MLIP: variants seen among roughly 807,000 people sequenced by gnomAD.
The protein encoded by MLIP is muscular LMNA-interacting protein.
A neutral mutation model predicts 84.8 loss-of-function variants in MLIP; 79 were observed. The ratio of observed to expected loss-of-function variants is 0.93; its 90% CI spans 0.78 to 1.12. MLIP has a LOEUF of 1.12. MLIP is among the 50% of genes most tolerant of loss of function. The pLI is 0.00. For missense variants in MLIP, 1,257 were observed against 1,160.6 expected (o/e 1.08, Z -1.21); for synonymous variants, 504 against 463.0 (o/e 1.09, Z -1.14).
rs2150483508 is a variant in MLIP, at chr6:54,137,085, A to G, written c.1016A>G (p.His339Arg). ...KTTLTSHVLS[H>R]GESPRTSSSP... ...ACTTTAACCTCGCATGTCCTTAGTC[A>G]CGGAGAAAGTCCGAGAACCTCTTCT... is the stretch of plus-strand genomic sequence containing the variant. Residue 339 changes from histidine (H) to arginine (R), a missense_variant, in exon 4 of 14, where the codon CAC becomes CGC. Transcript: ENST00000502396. 1.3e-6 allele frequency: 2 copies of G among 1,536,024 alleles called. No homozygotes were observed. The highest frequency in any genetic ancestry group is 2.7e-5 in the African/African-American group (2 of 73,144).
rs1467023919 is a variant in MLIP at position 54,169,517 on chromosome 6, T to A, written c.2500-11T>A. ...TATTTCAGATGTATAATTGTTTTTA[T>A]TTTCATACAGACTCCTACAACTCTT... On this transcript the variant is annotated splice_polypyrimidine_tract_variant and intron_variant, in intron 8 of 13. Coordinates refer to ENST00000502396, the MANE Select transcript of MLIP (RefSeq NM_001281747.2). The A allele has an allele frequency of 1.3e-6, 2 of 1,568,294 alleles. No individual in the cohort carries two copies. Among genetic ancestry groups the A allele is most frequent in the African/African-American group, 1.4e-5 (1 of 72,594 alleles).
intron 12 of MLIP, among the ~76,000 whole-genome samples, chr6:54,239,865 C>T (rs777075002): frequency 5.9e-5 from 9 of 152,036 alleles, no homozygotes; most frequent in Non-Finnish European, 1.0e-4. Flanking sequence ...CTATAATAAA[C>T]CCTTCCAGTC....
intron 13 of MLIP, 110 bp downstream of exon 13, chr6:54,257,471 A>G: frequency 2.6e-6 from 2 of 769,580 alleles, no homozygotes; most frequent in Admixed American, 4.9e-5. Flanking sequence ...ATAACAAAAG[A>G]AAGAATTATT....
chr6:54,142,668 G>A (rs1434239948), intron 4 of MLIP, among the ~76,000 whole-genome samples: 2 of 152,120 alleles, frequency 1.3e-5, no homozygotes. Flanking sequence ...AGTCTTTGGA[G>A]GGTTTCAAAT....
rs1774484279 is a variant in MLIP, at chr6:54,160,321, TG to T, written c.2290-45del. On this transcript the variant is annotated intron_variant, in intron 5 of 13. Transcript: ENST00000502396. The stretch of plus-strand genomic sequence containing the variant: ...TTTGAAGATACTTTTCTACTCCAGT[TG>T]TATGACTAGAAGCCTCATATAAGAA... The T allele has an allele frequency of 4.1e-6, 6 of 1,476,500 alleles. No homozygotes were observed. In the Admixed American group the frequency reaches 1.0e-4, roughly 25 times the overall value. 91.5% of individuals were successfully genotyped at this position (1,476,500 alleles called of 1,614,324 possible). A position where few individuals can be genotyped will look rare whatever the true frequency, so the allele number is the denominator to read the frequency against.
intron 3 of MLIP, among the ~76,000 whole-genome samples, chr6:54,133,410 A>G (rs1426109280): frequency 1.3e-5 from 2 of 152,296 alleles, no homozygotes; most frequent in East Asian, 1.9e-4. Flanking sequence ...CCATTATGCA[A>G]TGATTGGTAT....
intron 2 of MLIP, among the ~76,000 whole-genome samples, chr6:54,123,426 A>T (rs968887880): frequency 1.3e-5 from 2 of 152,222 alleles, no homozygotes; most frequent in African/African-American, 4.8e-5. Flanking sequence ...TAAATAGGGA[A>T]AGATGGGCAG....
intron 8 of MLIP, among the ~76,000 whole-genome samples, chr6:54,168,229 A>T (rs1775396999): frequency 6.6e-6 from 1 of 151,760 alleles, no homozygotes; most frequent in African/African-American, 2.4e-5. Context: ...TTTATCTAGA[A>T]TACTACCTAC....
chr6:54,072,937 T>C (rs1582076659), intron 1 of MLIP, among the ~76,000 whole-genome samples: 1 of 152,218 alleles, frequency 6.6e-6, no homozygotes, highest in East Asian at 1.9e-4. Context: ...CAGGGACTGT[T>C]GTTGACTTTG....
intron 1 of MLIP, among the ~76,000 whole-genome samples, chr6:54,076,217 G>C (rs1766796076): frequency 6.6e-6 from 1 of 152,188 alleles, no homozygotes; most frequent in East Asian, 1.9e-4. Context: ...GTGCCAAGGA[G>C]TGGGTCAGGA....
intron 1 of MLIP, among the ~76,000 whole-genome samples, chr6:54,081,756 C>T (rs931318627): frequency 1.3e-5 from 2 of 152,038 alleles, no homozygotes; most frequent in African/African-American, 4.8e-5. Flanking sequence ...ACACTGACCT[C>T]GCCCCAGCAG....
intron 1 of MLIP, among the ~76,000 whole-genome samples, chr6:54,102,326 T>C (rs545133128): frequency 2.6e-4 from 40 of 152,284 alleles, no homozygotes; most frequent in Admixed American, 2.4e-3. Context: ...GGTATGTATG[T>C]GTAGGATGAA....
intron 1 of MLIP, among the ~76,000 whole-genome samples, chr6:54,066,181 A>C (rs1360820159): frequency 1.0e-5 from 1 of 99,960 alleles, no homozygotes; most frequent in Admixed American, 9.4e-5. Flanking sequence ...TTATTTACTT[A>C]GAATGAATTC....
intron 11 of MLIP, chr6:54,203,572 G>A (rs901173605): frequency 4.0e-5 from 6 of 151,854 alleles, no homozygotes; most frequent in African/African-American, 1.5e-4. Flanking sequence ...CTAGGCTTCA[G>A]TTTCTTTCTT....
intron 5 of MLIP, among the ~76,000 whole-genome samples, chr6:54,155,295 C>T (rs186125376): frequency 1.3e-5 from 2 of 152,202 alleles, no homozygotes; most frequent in African/African-American, 4.8e-5. Context: ...ACAATATCTA[C>T]TATCCTACAC....
chr6:54,115,640 G>A (rs1299178570), intron 1 of MLIP, among the ~76,000 whole-genome samples: 1 of 152,152 alleles, frequency 6.6e-6, no homozygotes, highest in Non-Finnish European at 1.5e-5. Context: ...AAGAAGCGTG[G>A]CATTGAACCA....
At chr6:54,053,017 T>A (rs1324647952) in intron 1 of MLIP, among the ~76,000 whole-genome samples, 1 of 152,232 alleles carries the variant, frequency 6.6e-6, no homozygotes, top group African/African-American at 2.4e-5. Flanking sequence ...CAGAGCATTG[T>A]TGACTGCTAA....
chr6:54,194,181 T>C (rs771355229), intron 10 of MLIP, among the ~76,000 whole-genome samples: 23 of 101,676 alleles, frequency 2.3e-4, no homozygotes, highest in Non-Finnish European at 3.9e-4. Context: ...GAATGCCAGC[T>C]GATGCATCCA....
chr6:54,124,860 G>T lies in MLIP; in HGVS notation c.640G>T (p.Gly214Trp), dbSNP rs749849105. 5.8e-5 allele frequency: 91 copies of T among 1,577,624 alleles called. No homozygotes were observed. Among genetic ancestry groups the T allele is most frequent in the Middle Eastern group, 1.7e-4 (1 of 5,834 alleles). The stretch of plus-strand genomic sequence containing the variant: ...TGGGATGGCCCCTCAGCAAAAGCAT[G>T]GGCAGGTAGGTTTTGTGTTCCTGCT... ...LHGMAPQQKHGQLTSSPTTSE... is the reference protein window; with the variant it reads ...LHGMAPQQKHWQLTSSPTTSE... Residue 214 changes from glycine to tryptophan, a missense_variant, in exon 3 of 14, where the codon GGG becomes TGG. Coordinates refer to ENST00000502396, the MANE Select transcript of MLIP (RefSeq NM_001281747.2).
Sources: gnomAD v4.1 joint callset for allele counts (sites outside exome capture counted in the v4.1 genomes callset) on GRCh38, gnomAD v4.1.1 for gene constraint, MANE v1.5 for transcripts, NCBI Gene and HGNC (gene_info 2026-07-23, HGNC 2026-07-21) for gene names.